The following GUCY1A2 variants were observed in gnomAD, a reference collection of about 807,000 sequenced individuals.
GUCY1A2 encodes the protein guanylate cyclase 1 soluble subunit alpha 2.
In GUCY1A2, 27 loss-of-function variants were observed where a neutral mutation model predicts 63.5. The observed-to-expected ratio is 0.43, with a 90% CI of 0.31 to 0.59. The LOEUF is 0.59. Ranked by LOEUF, GUCY1A2 falls within the 20% of genes least tolerant of loss-of-function variation. GUCY1A2 has a pLI of 0.11. For missense variants in GUCY1A2, 768 were observed against 913.3 expected (o/e 0.84, Z 2.05); for synonymous variants, 364 against 343.5 (o/e 1.06, Z -0.66).
chr11:106,834,130 C>T (rs1351525959), intron 4 of GUCY1A2, among the ~76,000 whole-genome samples: 1 of 151,850 alleles, frequency 6.6e-6, no homozygotes, highest in African/African-American at 2.4e-5. Flanking sequence ...TTAACTATAG[C>T]CATCATGCTG....
At chr11:106,791,688 A>G (rs1357316635) in intron 5 of GUCY1A2, among the ~76,000 whole-genome samples, 1 of 152,130 alleles carries the variant, frequency 6.6e-6, no homozygotes, top group Non-Finnish European at 1.5e-5. Context: ...ATAGATTTAA[A>G]AAAGGCCTCC....
Position 106,683,172 on chromosome 11 carries a change from T to C in GUCY1A2, c.*4377A>G, listed in dbSNP as rs1405858982. On this transcript the variant is annotated 3_prime_UTR_variant, in exon 8 of 8. Transcript: ENST00000526355. ...TTCAATAATTCAGTCTCATGCATCA[T>C]GATTTTTGGGTTATATCTATTATTA... 6 of 214,510 alleles carry C rather than the reference T, an allele frequency of 2.8e-5. No homozygotes were observed. 13.3% of individuals were successfully genotyped at this position (214,510 alleles called of 1,614,324 possible).
chr11:106,788,898 T>A (rs1864611865), intron 5 of GUCY1A2, among the ~76,000 whole-genome samples: 1 of 152,316 alleles, frequency 6.6e-6, no homozygotes, highest in Non-Finnish European at 1.5e-5. Flanking sequence ...TTTGTGATTC[T>A]GTATACATTT....
At chr11:106,851,446 T>A (rs1859353879) in intron 4 of GUCY1A2, among the ~76,000 whole-genome samples, 1 of 152,006 alleles carries the variant, frequency 6.6e-6, no homozygotes, top group African/African-American at 2.4e-5. Context: ...TCCTGAAGTG[T>A]TTCCCTATGC....
intron 4 of GUCY1A2, among the ~76,000 whole-genome samples, chr11:106,852,645 T>C (rs1591302301): frequency 6.6e-6 from 1 of 152,150 alleles, no homozygotes; most frequent in East Asian, 1.9e-4. Flanking sequence ...AATCACTGAA[T>C]CTCTGGGATT....
At chr11:107,011,530 T>G (rs979284802) in intron 1 of GUCY1A2, among the ~76,000 whole-genome samples, 8 of 147,056 alleles carry the variant, frequency 5.4e-5, no homozygotes, top group Admixed American at 6.9e-5. Flanking sequence ...AAATATATTT[T>G]TAATATATTA....
intron 4 of GUCY1A2, among the ~76,000 whole-genome samples, chr11:106,909,676 T>C (rs933818223): frequency 3.3e-5 from 5 of 152,008 alleles, no homozygotes; most frequent in African/African-American, 4.8e-5. Flanking sequence ...AAGTTTTGCA[T>C]GCATCAATAG....
chr11:106,862,949 A>T (rs1859533715), intron 4 of GUCY1A2, among the ~76,000 whole-genome samples: 1 of 152,092 alleles, frequency 6.6e-6, no homozygotes, highest in Admixed American at 6.6e-5. Flanking sequence ...AGAGGAAGAA[A>T]GATCTGCCAA....
At chr11:106,760,819 C>T (rs552993534) in intron 6 of GUCY1A2, among the ~76,000 whole-genome samples, 16 of 152,002 alleles carry the variant, frequency 1.1e-4, no homozygotes, top group Non-Finnish European at 2.4e-4. Flanking sequence ...AAAAAATCCA[C>T]GTCAACTTTG....
rs1013463431 is a variant in GUCY1A2 at position 106,933,938 on chromosome 11, T to C, written c.1206+5522A>G. 3.9e-5 allele frequency among the ~76,000 whole-genome samples: 6 copies of C among 152,032 alleles called. No individual in the cohort carries two copies. In the East Asian group the frequency reaches 5.8e-4, roughly 15 times the overall value. ...GACATAAAGATGGCAACAATAGACATTGAAGACTACTGGATGGGAAAGGGG... is the reference window on the plus strand; with the variant it reads ...GACATAAAGATGGCAACAATAGACACTGAAGACTACTGGATGGGAAAGGGG... On this transcript the variant is annotated intron_variant, in intron 4 of 7. Transcript: ENST00000526355.
chr11:106,912,014 G>A (rs1379243353), intron 4 of GUCY1A2, among the ~76,000 whole-genome samples: 1 of 151,898 alleles, frequency 6.6e-6, no homozygotes, highest in Non-Finnish European at 1.5e-5. Flanking sequence ...AGTCTGAGTA[G>A]AAATCCAAAA....
At chr11:106,741,006 C>T (rs779927146) in intron 6 of GUCY1A2, among the ~76,000 whole-genome samples, 2 of 152,136 alleles carry the variant, frequency 1.3e-5, no homozygotes, top group Middle Eastern at 3.2e-3. Flanking sequence ...TCTAGCTGCA[C>T]AGTCTTGGAG....
chr11:106,819,195 G>A (rs914441084), intron 4 of GUCY1A2, among the ~76,000 whole-genome samples: 2 of 152,116 alleles, frequency 1.3e-5, no homozygotes, highest in Non-Finnish European at 2.9e-5. Flanking sequence ...CAAAGAAAGT[G>A]GTTTCTTGAG....
At chr11:106,955,267 C>T (rs1006559152) in intron 3 of GUCY1A2, among the ~76,000 whole-genome samples, 3 of 152,154 alleles carry the variant, frequency 2.0e-5, no homozygotes, top group Non-Finnish European at 4.4e-5. Flanking sequence ...CCACCATGCC[C>T]GGCCCAGTCT....
At chr11:106,738,080 TCA>T (rs1425821963) in intron 6 of GUCY1A2, among the ~76,000 whole-genome samples, 1 of 152,224 alleles carries the variant, frequency 6.6e-6, no homozygotes, top group Non-Finnish European at 1.5e-5. Context: ...TTTTTAATAA[TCA>T]CCATTCTAAC....
intron 5 of GUCY1A2, among the ~76,000 whole-genome samples, chr11:106,805,518 T>C (rs1280106826): frequency 6.6e-6 from 1 of 152,170 alleles, no homozygotes; most frequent in Non-Finnish European, 1.5e-5. Context: ...AGTGCTGGGA[T>C]TACAGGCGTG....
Position 106,686,665 on chromosome 11 carries a change from G to A in GUCY1A2, c.*884C>T, listed in dbSNP as rs1862531372. On this transcript the variant is annotated 3_prime_UTR_variant, in exon 8 of 8. Coordinates refer to ENST00000526355, the MANE Select transcript of GUCY1A2 (RefSeq NM_000855.3). ...TAAGTGCTAAGTTGAAAAGGATCCA[G>A]TGTAGCAAAGCATTTCATTTTAACT... 1 of 214,456 alleles carries A rather than the reference G, an allele frequency of 4.7e-6. No individual in the cohort carries two copies. The highest frequency in any genetic ancestry group is 5.8e-5 in the Admixed American group (1 of 17,100). The allele number at this position is 214,456 out of a possible 1,614,324, so 13.3% of individuals were successfully genotyped here.
chr11:106,996,843 G>T (rs887671293), intron 1 of GUCY1A2, among the ~76,000 whole-genome samples: 1 of 152,084 alleles, frequency 6.6e-6, no homozygotes, highest in African/African-American at 2.4e-5. Flanking sequence ...CTCAGTAAGG[G>T]TCTGAATATA....
intron 1 of GUCY1A2, among the ~76,000 whole-genome samples, chr11:107,001,446 C>A (rs1308748228): frequency 6.6e-6 from 1 of 151,952 alleles, no homozygotes; most frequent in Admixed American, 6.6e-5. Flanking sequence ...ATGACTGGAA[C>A]CATTTTTTGC....
Sources: allele counts gnomAD v4.1 joint callset (sites outside exome capture counted in the v4.1 genomes callset), GRCh38; gene constraint gnomAD v4.1.1; transcripts MANE v1.5; gene names NCBI Gene and HGNC (gene_info 2026-07-23, HGNC 2026-07-21).